The following ZNF691 variants were observed in gnomAD, a reference collection of about 807,000 sequenced individuals.
ZNF691 encodes zinc finger protein 691.
In ZNF691, 11 loss-of-function variants were observed where a neutral mutation model predicts 24.1. That is an observed-to-expected ratio of 0.46 (90% confidence interval 0.29 to 0.75). ZNF691 has a LOEUF of 0.75. ZNF691 is among the 30% of genes least tolerant of loss of function. ZNF691 has a pLI of 0.11. For missense variants in ZNF691, 356 were observed against 409.0 expected, an observed-to-expected ratio of 0.87 and a Z score of 1.12; for synonymous variants, 149 against 153.9, an observed-to-expected ratio of 0.97 and a Z score of 0.23.
Position 42,849,355 on chromosome 1 carries a change from T to C in ZNF691, c.-153T>C. 1.9e-6 allele frequency: 1 copy of C among 536,718 alleles called. No individual in the cohort carries two copies. Among genetic ancestry groups the C allele is most frequent in the Non-Finnish European group, 3.6e-6 (1 of 279,584 alleles). The allele number at this position is 536,718 out of a possible 1,614,324, so 33.2% of individuals were successfully genotyped here. A position where few individuals can be genotyped will look rare whatever the true frequency, so the allele number is the denominator to read the frequency against. On this transcript the variant is annotated 5_prime_UTR_variant, in exon 2 of 4. Coordinates refer to ENST00000651192, the MANE Select transcript of ZNF691 (RefSeq NM_001242739.2). ...GCCATTTGCTGAATGACAGCATGTG[T>C]CACACACTCTGCTGAGTATTACAGG...
At position 42,849,385 on chromosome 1, in the gene ZNF691, T is replaced by G. The variant is rs1328487712; in HGVS notation, c.-123T>G. The stretch of plus-strand genomic sequence containing the variant: ...CACTCTGCTGAGTATTACAGGCATT[T>G]TTTTCTAATACAAAGTCTTGTAGTG... On this transcript the variant is annotated 5_prime_UTR_variant, in exon 2 of 4. Transcript: ENST00000651192. The G allele has an allele frequency of 1.7e-6, 1 of 584,622 alleles. No individual in the cohort carries two copies. The highest frequency in any genetic ancestry group is 1.5e-5 in the South Asian group (1 of 65,714). 36.2% of individuals were successfully genotyped at this position (584,622 alleles called of 1,614,324 possible).
intron 1 of ZNF691, among the ~76,000 whole-genome samples, chr1:42,848,518 T>G (rs1250119676): frequency 6.6e-6 from 1 of 152,102 alleles, no homozygotes. Flanking sequence ...ATCAGGAGAT[T>G]GCTGAGGAAA....
rs114831725 is a variant in ZNF691 at position 42,850,121 on chromosome 1, T to C, written c.84+379T>C. 8.5e-3 allele frequency among the ~76,000 whole-genome samples: 1,289 copies of C among 152,012 alleles called. 22 individuals are homozygous for C. Among genetic ancestry groups the C allele is most frequent in the African/African-American group, 0.03 (1,241 of 41,438 alleles). On this transcript the variant is annotated intron_variant, in intron 3 of 3. Transcript: ENST00000651192. The stretch of plus-strand genomic sequence containing the variant: ...AGGTGTATAGCTGTTGTGTGTGGTA[T>C]GAGAATGTGACCGAGTATGTCAGGT...
chr1:42,850,822 T>G (rs1655365148), intron 3 of ZNF691, 128 bp from the exon 4 acceptor site: 6 of 1,554,868 alleles, frequency 3.9e-6, no homozygotes, highest in Non-Finnish European at 5.2e-6. Flanking sequence ...GTATTCCAGT[T>G]GATTGAGGTT....
intron 1 of ZNF691, among the ~76,000 whole-genome samples, 187 bp downstream of exon 1, chr1:42,846,844 A>G (rs1402630848): frequency 1.3e-5 from 2 of 152,080 alleles, no homozygotes; most frequent in Non-Finnish European, 2.9e-5. Flanking sequence ...CGGCCCACGC[A>G]GCCAGGTGGC....
chr1:42,851,297 G>A lies in ZNF691; in HGVS notation c.432G>A (p.Lys144=). The A allele has an allele frequency of 6.2e-7, 1 of 1,614,106 alleles. No homozygotes were observed. Among genetic ancestry groups the A allele is most frequent in the Non-Finnish European group, 8.5e-7 (1 of 1,180,002 alleles). ...TCCACACTGGTGAGAAGCCTTACAA[G>A]TGTTCTGAATGTGGCAAGAGCTTCT... ...QRIHTGEKPY[K]CSECGKSFSR... Residue 144 remains lysine, a synonymous_variant, in exon 4 of 4, where the codon AAG becomes AAA. Transcript: ENST00000651192. This position sits in a 1 kb window ranked among gnomAD's most constrained non-coding sequence, Gnocchi z 4.7.
In ZNF691 at chr1:42,851,791, A is replaced by G. The variant is rs982441177; in HGVS notation, c.926A>G (p.Gln309Arg). 1 of 1,614,048 alleles carries G rather than the reference A, an allele frequency of 6.2e-7. No individual in the cohort carries two copies. Among genetic ancestry groups the G allele is most frequent in the Non-Finnish European group, 8.5e-7 (1 of 1,179,880 alleles). ...IRHQKTHLGEQAGKDSS is the reference protein window; with the variant it reads ...IRHQKTHLGERAGKDSS ...CACCAGAAAACTCACTTGGGCGAAC[A>G]GGCTGGGAAAGATTCCAGCTGAAGG... The change falls in exon 4 of 4, where the codon CAG becomes CGG. Residue 309 changes from glutamine to arginine, a missense_variant. By Grantham distance (43) the Gln-to-Arg change is conservative (BLOSUM62 1). Transcript: ENST00000651192. The surrounding 1 kb of genome is among the most constrained non-coding windows in gnomAD (Gnocchi z 4.7).
Position 42,849,691 on chromosome 1 carries a change from A to T in ZNF691, c.33A>T (p.Glu11Asp). 3.9e-6 allele frequency: 6 copies of T among 1,551,130 alleles called. No homozygotes were observed. The highest frequency in any genetic ancestry group is 5.2e-6 in the Non-Finnish European group (6 of 1,147,108). Reference protein sequence around the residue: MSLCSPTHSAEMSLFLQGPEE... With the variant: MSLCSPTHSADMSLFLQGPEE... ...TCTGTTCACCAACCCACTCTGCTGA[A>T]ATGTCGTTATTTCTTCAAGGCCCGG... The change falls in exon 3 of 4, where the codon GAA (glutamate) becomes GAT (aspartate). Residue 11 changes from glutamate to aspartate, a missense_variant. Coordinates refer to ENST00000651192, the MANE Select transcript of ZNF691 (RefSeq NM_001242739.2).
Position 42,850,999 on chromosome 1 carries a change from C to T in ZNF691, c.134C>T (p.Pro45Leu), listed in dbSNP as rs1219076379. The part of the protein sequence containing the change: ...EKEQSPEPHL[P>L]EEGEGGKPWR... ...GAGCAGAGTCCAGAACCACACCTGC[C>T]TGAGGAAGGGGAAGGGGGTAAGCCT... Residue 45 changes from proline (P) to leucine (L), a missense_variant, in exon 4 of 4, where the codon CCT becomes CTT. By Grantham distance (98) the Pro-to-Leu change is moderately conservative. Coordinates refer to ENST00000651192, the MANE Select transcript of ZNF691 (RefSeq NM_001242739.2). 1 of 1,544,912 alleles carries T rather than the reference C, an allele frequency of 6.5e-7. No homozygotes were observed. The highest frequency in any genetic ancestry group is 2.2e-5 in the East Asian group (1 of 44,490).
At chr1:42,850,094 G>A (rs1655340211) in intron 3 of ZNF691, among the ~76,000 whole-genome samples, 1 of 152,076 alleles carries the variant, frequency 6.6e-6, no homozygotes, top group Non-Finnish European at 1.5e-5. Flanking sequence ...TGTGTGGTGT[G>A]TAGGTGTATA....
intron 3 of ZNF691, 114 bp downstream of exon 3, chr1:42,849,856 CTT>C (rs1387968328): frequency 2.2e-6 from 2 of 902,802 alleles, no homozygotes; most frequent in Non-Finnish European, 3.6e-6. Flanking sequence ...ACTGGGCACT[CTT>C]ATGTGTTTAG....
chr1:42,850,054 G>A (rs1227693255), intron 3 of ZNF691, among the ~76,000 whole-genome samples: 1 of 152,060 alleles, frequency 6.6e-6, no homozygotes, highest in Non-Finnish European at 1.5e-5. Flanking sequence ...TATGTAGTAT[G>A]TATGTGTGTG....
At chr1:42,850,866 TA>T in intron 3 of ZNF691, 83 bp from the exon 4 acceptor site, 1 of 1,569,006 alleles carries the variant, frequency 6.4e-7, no homozygotes, top group East Asian at 2.2e-5. Flanking sequence ...GGAAGGTGTA[TA>T]CCCTTCAAAC....
At chr1:42,850,356 A>T in intron 3 of ZNF691, 3 of 967,946 alleles carry the variant, frequency 3.1e-6, no homozygotes, top group Non-Finnish European at 3.7e-6. Context: ...GGTCCCAGGT[A>T]TTAACCCAGA....
At position 42,850,460 on chromosome 1, in the gene ZNF691, C is replaced by T; in HGVS notation, c.85-490C>T. On this transcript the variant is annotated intron_variant, in intron 3 of 3. Coordinates refer to ENST00000651192, the MANE Select transcript of ZNF691 (RefSeq NM_001242739.2). ...AGCTGGGCCTTGTCACCTAGGAAAG[C>T]CTCAAGATTTAGAGGTTTTGTTTTG... 3 of 985,246 alleles carry T rather than the reference C, an allele frequency of 3.0e-6. No homozygotes were observed. In the South Asian group the frequency reaches 1.4e-4, roughly 46 times the overall value. The allele number at this position is 985,246 out of a possible 1,614,324, so 61.0% of individuals were successfully genotyped here. A position where few individuals can be genotyped will look rare whatever the true frequency, so the allele number is the denominator to read the frequency against.
At chr1:42,850,706 G>A (rs372642797) in intron 3 of ZNF691, 161 of 1,550,580 alleles carry the variant, frequency 1.0e-4, no homozygotes, top group Admixed American at 2.7e-4. Flanking sequence ...ATATCATCTG[G>A]TGGTGGTGGA....
intron 1 of ZNF691, among the ~76,000 whole-genome samples, chr1:42,848,345 C>G (rs1454504185): frequency 6.6e-6 from 1 of 152,128 alleles, no homozygotes; most frequent in African/African-American, 2.4e-5. Context: ...CATTTGAGCA[C>G]CCAGCTTTAT....
Position 42,851,848 on chromosome 1 carries a change from G to T in ZNF691, c.*35G>T. 1.2e-6 allele frequency: 2 copies of T among 1,613,468 alleles called. No homozygotes were observed. Among genetic ancestry groups the T allele is most frequent in the South Asian group, 1.1e-5 (1 of 90,932 alleles). On this transcript the variant is annotated 3_prime_UTR_variant, in exon 4 of 4. Transcript: ENST00000651192. This position sits in a 1 kb window ranked among gnomAD's most constrained non-coding sequence, Gnocchi z 4.7. ...CCATTTAGAGTGAGGGAGAGAGAGT[G>T]AGAGACCCTAACCTATTGGAGGAAG...
chr1:42,851,687 G>A lies in ZNF691; in HGVS notation c.822G>A (p.Gln274=), dbSNP rs1557622418. 6.2e-7 allele frequency: 1 copy of A among 1,614,242 alleles called. No homozygotes were observed. Among genetic ancestry groups the A allele is most frequent in the East Asian group, 2.2e-5 (1 of 44,888 alleles). ...FSDISNFGAH[Q]RTHRGEKPYR... ...ATATCTCCAACTTTGGAGCACACCA[G>A]CGGACCCACAGAGGGGAGAAGCCCT... Residue 274 remains glutamine, a synonymous_variant, in exon 4 of 4, where the codon CAG becomes CAA. Transcript: ENST00000651192. This position sits in a 1 kb window ranked among gnomAD's most constrained non-coding sequence, Gnocchi z 4.7.
Sources: gnomAD v4.1 joint callset for allele counts (sites outside exome capture counted in the v4.1 genomes callset) on GRCh38, gnomAD v4.1.1 for gene constraint, Gnocchi (gnomAD v3.1) non-coding constraint, MANE v1.5 for transcripts, NCBI Gene and HGNC (gene_info 2026-07-23, HGNC 2026-07-21) for gene names.